The following LINGO2 variants were observed in gnomAD, a reference collection of about 807,000 sequenced individuals.
The protein encoded by LINGO2 is leucine-rich repeat and immunoglobulin-like domain-containing nogo receptor-interacting protein 2.
Under a neutral mutation model 30.6 loss-of-function variants are expected in LINGO2, and 14 were observed. That is an observed-to-expected ratio of 0.46 (90% CI 0.30 to 0.72). The LOEUF is 0.72. LINGO2 is among the 30% of genes least tolerant of loss of function. LINGO2 has a pLI of 0.07. For missense variants in LINGO2, 729 were observed against 751.7 expected (o/e 0.97, Z 0.35); for synonymous variants, 317 against 288.5 (o/e 1.10, Z -1.00).
chr9:28,164,440 AC>A (rs1828371379), intron 4 of LINGO2, among the ~76,000 whole-genome samples: 1 of 152,182 alleles, frequency 6.6e-6, no homozygotes, highest in Non-Finnish European at 1.5e-5. Flanking sequence ...AGATCTGGAA[AC>A]TTTTATCTCC....
the LINGO2 span, among the ~76,000 whole-genome samples, chr9:29,185,009 A>T: frequency 5.3e-3 from 814 of 152,294 alleles, 10 homozygotes; most frequent in Non-Finnish European, 7.8e-3. Context: ...TGTTGTTTTC[A>T]TAAGTCTAAA....
chr9:28,068,712 A>G (rs1178835980), intron 4 of LINGO2, among the ~76,000 whole-genome samples: 1 of 152,194 alleles, frequency 6.6e-6, no homozygotes, highest in Non-Finnish European at 1.5e-5. Context: ...TTTTATTTCC[A>G]TCTTACATAT....
chr9:27,953,056 G>A (rs565137669), intron 5 of LINGO2, among the ~76,000 whole-genome samples: 4 of 152,216 alleles, frequency 2.6e-5, no homozygotes, highest in Non-Finnish European at 4.4e-5. Context: ...ATGAAAGGGT[G>A]ATTAGCTATT....
chr9:28,832,322 T>C, the LINGO2 span, among the ~76,000 whole-genome samples: 1 of 152,198 alleles, frequency 6.6e-6, no homozygotes, highest in African/African-American at 2.4e-5. Context: ...TTTATTTTCC[T>C]AAACATGCTT....
At chr9:28,944,191 T>C in the LINGO2 span, among the ~76,000 whole-genome samples, 2 of 152,206 alleles carry the variant, frequency 1.3e-5, no homozygotes. Flanking sequence ...TCTCATTCCA[T>C]ATCTAATTTC....
chr9:28,724,574 C>T, the LINGO2 span, among the ~76,000 whole-genome samples: 24 of 152,002 alleles, frequency 1.6e-4, no homozygotes, highest in East Asian at 2.9e-3. Context: ...AACTCCATCA[C>T]GGATGATAAC....
intron 1 of LINGO2, among the ~76,000 whole-genome samples, chr9:28,615,009 C>A (rs1461808487): frequency 6.6e-6 from 1 of 152,086 alleles, no homozygotes; most frequent in Non-Finnish European, 1.5e-5. Context: ...AAGTTATAGT[C>A]ATCAAAACTA....
chr9:29,186,604 G>C, the LINGO2 span, among the ~76,000 whole-genome samples: 1 of 152,072 alleles, frequency 6.6e-6, no homozygotes, highest in Non-Finnish European at 1.5e-5. Flanking sequence ...TGATTGGAAA[G>C]ACCTGCATTT....
chr9:28,735,098 G>C, the LINGO2 span, among the ~76,000 whole-genome samples: 1 of 152,030 alleles, frequency 6.6e-6, no homozygotes, highest in Admixed American at 6.5e-5. Context: ...AAATTGTCAA[G>C]ATTTATACTC....
the LINGO2 span, among the ~76,000 whole-genome samples, chr9:28,786,056 G>C: frequency 0.18 from 27,649 of 152,132 alleles, 3,313 homozygotes; most frequent in East Asian, 0.36. Flanking sequence ...ATAGGTCATT[G>C]TTCTGTAATG....
chr9:28,061,455 G>A (rs549284974), intron 4 of LINGO2, among the ~76,000 whole-genome samples: 18 of 151,728 alleles, frequency 1.2e-4, no homozygotes, highest in Non-Finnish European at 2.4e-4. Context: ...TTTTGTTTAT[G>A]TGCAGAAATA....
chr9:28,741,481 G>A, the LINGO2 span, among the ~76,000 whole-genome samples: 2 of 151,952 alleles, frequency 1.3e-5, no homozygotes, highest in Non-Finnish European at 2.9e-5. Flanking sequence ...GGTACTGAGT[G>A]GGCCTAATGC....
At chr9:28,884,778 ATATAGT>A in the LINGO2 span, among the ~76,000 whole-genome samples, 2 of 145,326 alleles carry the variant, frequency 1.4e-5, no homozygotes, top group Non-Finnish European at 3.0e-5. Flanking sequence ...GTGTATATAT[ATATAGT>A]GTGTGTGTAT....
At chr9:29,073,222 T>C in the LINGO2 span, among the ~76,000 whole-genome samples, 2 of 152,140 alleles carry the variant, frequency 1.3e-5, no homozygotes, top group Non-Finnish European at 2.9e-5. Context: ...TTAATTAACA[T>C]GGAAATATGT....
At chr9:28,107,966 T>C (rs1302675317) in intron 4 of LINGO2, among the ~76,000 whole-genome samples, 1 of 152,110 alleles carries the variant, frequency 6.6e-6, no homozygotes, top group African/African-American at 2.4e-5. Context: ...AATTGCAGTC[T>C]AAAGTAGAAT....
intron 1 of LINGO2, among the ~76,000 whole-genome samples, chr9:28,561,094 AAAG>A (rs1823031838): frequency 1.3e-5 from 2 of 152,034 alleles, no homozygotes; most frequent in Non-Finnish European, 2.9e-5. Context: ...GCAAGTGAGG[AAAG>A]AAGGAGGGAG....
At position 28,055,669 on chromosome 9, in the gene LINGO2, G is replaced by A. The variant is rs531029740; in HGVS notation, c.-86-43264C>T. Among the ~76,000 whole-genome samples, 6 of 152,222 alleles carry A rather than the reference G, an allele frequency of 3.9e-5. No homozygotes were observed. The South Asian group carries it at 1.0e-3, about 26-fold the overall frequency. ...TTAAGTTTGTTAGGTTTGCTAGATT[G>A]TCAAAAAACAAAATGCTTCTTTGTT... On this transcript the variant is annotated intron_variant, in intron 4 of 5. Transcript: ENST00000379992.
intron 4 of LINGO2, among the ~76,000 whole-genome samples, chr9:28,121,400 A>ACTG (rs1827093420): frequency 6.6e-6 from 1 of 152,180 alleles, no homozygotes; most frequent in Non-Finnish European, 1.5e-5. Flanking sequence ...TTCTTGCTTT[A>ACTG]TTGTTACACA....
At chr9:28,660,547 T>C (rs187873348) in intron 1 of LINGO2, among the ~76,000 whole-genome samples, 59 of 152,126 alleles carry the variant, frequency 3.9e-4, no homozygotes, top group African/African-American at 1.4e-3. Context: ...AGTAAACATA[T>C]ACTGGTAAAA....
Sources: allele counts gnomAD v4.1 joint callset (sites outside exome capture counted in the v4.1 genomes callset), GRCh38; gene constraint gnomAD v4.1.1; transcripts MANE v1.5; gene names NCBI Gene and HGNC (gene_info 2026-07-23, HGNC 2026-07-21).